The following RGS3 variants were observed in gnomAD, a reference collection of about 807,000 sequenced individuals.
RGS3 encodes regulator of G-protein signalling 3.
RGS3 carries 80 observed loss-of-function variants against 132.6 expected under a neutral mutation model. The ratio of observed to expected loss-of-function variants is 0.60; its 90% CI spans 0.50 to 0.73. The LOEUF is 0.73. RGS3 is among the 30% of genes least tolerant of loss of function. RGS3 has a pLI of 0.00. For synonymous variants in RGS3, 598 were observed against 620.6 expected, an observed-to-expected ratio of 0.96 and a Z score of 0.54; for missense variants, 1,382 against 1,530.8, an observed-to-expected ratio of 0.90 and a Z score of 1.62.
chr9:113,498,103 A>G (rs1219463252), intron 10 of RGS3, 23 bp downstream of exon 8: 2 of 1,610,976 alleles, frequency 1.2e-6, no homozygotes, highest in East Asian at 2.2e-5. Context: ...AAGCTAGGGC[A>G]TTGCTCCAGG....
intron 4 of RGS3, 27 bp from the exon 3 acceptor site, chr9:113,483,032 C>T (rs775330448): frequency 2.8e-5 from 45 of 1,613,850 alleles, no homozygotes; most frequent in Admixed American, 5.0e-5. Context: ...TCCATTCATC[C>T]ACCCCAATGT....
rs1832724419 is a variant in RGS3 at position 113,537,386 on chromosome 9, G to C, written c.2037+468G>C. Among the ~76,000 whole-genome samples the C allele has an allele frequency of 6.6e-6, 1 of 152,184 alleles. No homozygotes were observed. The highest frequency in any genetic ancestry group is 1.5e-5 in the Non-Finnish European group (1 of 68,032). The stretch of plus-strand genomic sequence containing the variant: ...ATGTGGGCCAGAGCCAAGTAGAGCT[G>C]AGTGTGGACTGCTGGGGTCTGGGGA... On this transcript the variant is annotated intron_variant, in intron 19 of 24. Transcript: ENST00000350696. This position sits in a 1 kb window ranked among gnomAD's most constrained non-coding sequence, Gnocchi z 4.3.
intron 1 of RGS3, among the ~76,000 whole-genome samples, chr9:113,449,297 G>A (rs1829187683): frequency 6.6e-6 from 1 of 152,168 alleles, no homozygotes; most frequent in Admixed American, 6.5e-5. Context: ...CCAGAACCCG[G>A]AAACCAGAAA....
At chr9:113,543,274 G>A (rs1014809263) in intron 19 of RGS3, among the ~76,000 whole-genome samples, 1 of 152,252 alleles carries the variant, frequency 6.6e-6, no homozygotes, top group East Asian at 1.9e-4. Context: ...GCCCCTGTGA[G>A]CTTGCTCAGC....
At chr9:113,501,995 A>G (rs1193685064) in intron 10 of RGS3, among the ~76,000 whole-genome samples, 1 of 152,260 alleles carries the variant, frequency 6.6e-6, no homozygotes, top group Non-Finnish European at 1.5e-5. Flanking sequence ...ACAGGACAGC[A>G]GTGCCCATTC....
chr9:113,531,826 C>T (rs1425735705), intron 18 of RGS3, among the ~76,000 whole-genome samples: 1 of 152,184 alleles, frequency 6.6e-6, no homozygotes. Context: ...GCTTTCCTTC[C>T]TACCTATGTC....
chr9:113,548,799 A>G (rs1238919429), intron 19 of RGS3, among the ~76,000 whole-genome samples: 3 of 152,168 alleles, frequency 2.0e-5, no homozygotes, highest in African/African-American at 4.8e-5. Context: ...CTGTTTCAGC[A>G]CAGTGGCTGC....
chr9:113,553,767 C>G (rs1045074123), intron 19 of RGS3, among the ~76,000 whole-genome samples: 1 of 151,474 alleles, frequency 6.6e-6, no homozygotes, highest in Non-Finnish European at 1.5e-5. Flanking sequence ...CACTTGAACC[C>G]TGGAGACGGA....
intron 21 of RGS3, chr9:113,592,497 C>CTTTTT (rs56150915): frequency 6.8e-6 from 1 of 147,124 alleles, no homozygotes; most frequent in Admixed American, 6.8e-5. Context: ...GAAGCCCACA[C>CTTTTT]TTTTTTTTTT....
At chr9:113,525,674 G>C (rs1832167816) in intron 17 of RGS3, among the ~76,000 whole-genome samples, 1 of 152,220 alleles carries the variant, frequency 6.6e-6, no homozygotes, top group African/African-American at 2.4e-5. Flanking sequence ...GCTGGTTGGG[G>C]CTGGCAGGGG....
intron 1 of RGS3, among the ~76,000 whole-genome samples, chr9:113,453,012 T>A (rs1223570715): frequency 2.2e-4 from 29 of 131,830 alleles, no homozygotes; most frequent in Admixed American, 7.7e-4. Context: ...AAATATATAT[T>A]ATATTTTATA....
chr9:113,492,754 G>T lies in RGS3; in HGVS notation c.690-3032G>T, dbSNP rs1240169479. On this transcript the variant is annotated intron_variant, in intron 7 of 24. Coordinates refer to ENST00000350696, the Ensembl canonical transcript of RGS3. ...TAAAAGAAGTCTTTCTTCCTCCAAA[G>T]ATTTTTCAAAAGCAGGCATAAGAAA... Among the ~76,000 whole-genome samples the T allele has an allele frequency of 2.6e-5, 4 of 152,182 alleles. 1 individual carries two copies. The highest frequency in any genetic ancestry group is 9.7e-5 in the African/African-American group (4 of 41,450).
chr9:113,487,011 G>T (rs1223580910), intron 7 of RGS3, among the ~76,000 whole-genome samples: 1 of 149,662 alleles, frequency 6.7e-6, no homozygotes, highest in Non-Finnish European at 1.5e-5. Flanking sequence ...TGAGAGTGAG[G>T]AGGGGGACGT....
chr9:113,507,102 G>T lies in RGS3; in HGVS notation c.1086-185G>T, dbSNP rs991211056. ...TGCCCGTCAATAGGAATTGACCTAG[G>T]TGACCCATTTGCTGTCTCTTCTTTA... On this transcript the variant is annotated intron_variant, in intron 12 of 24. Coordinates refer to ENST00000350696, the Ensembl canonical transcript of RGS3. This position sits in a 1 kb window ranked among gnomAD's most constrained non-coding sequence, Gnocchi z 5.0. 6.6e-6 allele frequency among the ~76,000 whole-genome samples: 1 copy of T among 152,190 alleles called. No homozygotes were observed. The highest frequency in any genetic ancestry group is 1.5e-5 in the Non-Finnish European group (1 of 68,040).
At position 113,595,048 on chromosome 9, in the gene RGS3, C is replaced by G; in HGVS notation, c.3244+68C>G. Reference sequence around the variant, plus strand: ...TCTCCCCTTCGCCCCCATCCAGACCCTGTGTAGCTGGTGCTAGAGAGGCCG... The same window carrying G: ...TCTCCCCTTCGCCCCCATCCAGACCGTGTGTAGCTGGTGCTAGAGAGGCCG... On this transcript the variant is annotated intron_variant, in intron 23 of 24. Coordinates refer to ENST00000350696, the Ensembl canonical transcript of RGS3. 3.4e-6 allele frequency: 5 copies of G among 1,472,862 alleles called. No individual in the cohort carries two copies. In the South Asian group the frequency reaches 4.6e-5, roughly 13 times the overall value. The allele number at this position is 1,472,862 out of a possible 1,614,324, so 91.2% of individuals were successfully genotyped here. A position where few individuals can be genotyped will look rare whatever the true frequency, so the allele number is the denominator to read the frequency against.
intron 3 of RGS3, among the ~76,000 whole-genome samples, chr9:113,467,289 A>C (rs1829674780): frequency 6.6e-6 from 1 of 152,190 alleles, no homozygotes; most frequent in African/African-American, 2.4e-5. Context: ...GTGTTTAACT[A>C]TTTAGGGAAC....
chr9:113,512,420 A>AGTGGTTTGAGTTATC (rs1831446192), intron 14 of RGS3, among the ~76,000 whole-genome samples: 1 of 152,058 alleles, frequency 6.6e-6, no homozygotes, highest in Admixed American at 6.6e-5. Flanking sequence ...AGAGGCAGGA[A>AGTGGTTTGAGTTATC]GTGGTTTGAG....
intron 6 of RGS3, 36 bp from the exon 5 acceptor site, chr9:113,485,589 C>A: frequency 6.4e-7 from 1 of 1,555,852 alleles, no homozygotes; most frequent in Non-Finnish European, 8.8e-7. Flanking sequence ...GAGCTCAGCC[C>A]TTACTAACAC....
intron 20 of RGS3, among the ~76,000 whole-genome samples, chr9:113,587,112 T>G (rs745855883): frequency 3.3e-5 from 5 of 151,856 alleles, no homozygotes; most frequent in African/African-American, 1.2e-4. Context: ...TAGTGAGAGA[T>G]ATTTTGTCCC....
Sources: gnomAD v4.1 joint callset for allele counts (sites outside exome capture counted in the v4.1 genomes callset) on GRCh38, gnomAD v4.1.1 for gene constraint, Gnocchi (gnomAD v3.1) non-coding constraint, MANE v1.5 for transcripts, NCBI Gene and HGNC (gene_info 2026-07-23, HGNC 2026-07-21) for gene names.